Variants in KDM4C observed in about 807,000 individuals in gnomAD.
KDM4C encodes lysine-specific demethylase 4C.
In KDM4C, 81 loss-of-function variants were observed where a neutral mutation model predicts 129.3. That is an observed-to-expected ratio of 0.63 (90% CI 0.52 to 0.75). The LOEUF is 0.75. Ranked by LOEUF, KDM4C falls within the 30% of genes least tolerant of loss-of-function variation. KDM4C has a pLI of 0.00. For missense variants in KDM4C, 1,457 were observed against 1,304.0 expected (o/e 1.12, Z -1.81); for synonymous variants, 573 against 456.1 (o/e 1.26, Z -3.26).
intron 8 of KDM4C, among the ~76,000 whole-genome samples, chr9:6,968,959 C>T (rs972830381): frequency 6.6e-6 from 1 of 152,008 alleles, no homozygotes; most frequent in Non-Finnish European, 1.5e-5. Flanking sequence ...TGTTTTGAGA[C>T]AGAGTCTTGC....
intron 20 of KDM4C, among the ~76,000 whole-genome samples, chr9:7,167,612 C>T (rs1034792410): frequency 6.6e-6 from 1 of 152,162 alleles, no homozygotes; most frequent in African/African-American, 2.4e-5. Context: ...GTGACTGGCA[C>T]CTAATTCCAC....
intron 17 of KDM4C, among the ~76,000 whole-genome samples, chr9:7,056,596 T>G (rs1358419763): frequency 1.3e-5 from 2 of 152,244 alleles, no homozygotes; most frequent in Non-Finnish European, 2.9e-5. Context: ...ACTATGGATT[T>G]TTCTTTATCT....
chr9:6,772,742 G>T (rs1822148920), intron 1 of KDM4C, among the ~76,000 whole-genome samples: 2 of 148,922 alleles, frequency 1.3e-5, no homozygotes, highest in African/African-American at 5.0e-5. Context: ...ACCCATGCTG[G>T]AGTGAAGTGG....
intron 1 of KDM4C, among the ~76,000 whole-genome samples, chr9:6,759,003 C>G (rs560959905): frequency 6.7e-6 from 1 of 150,186 alleles, no homozygotes; most frequent in Admixed American, 6.7e-5. Context: ...TCCCCCTTTG[C>G]TGCGCGGTGC....
chr9:7,007,572 A>G (rs539534512), intron 12 of KDM4C, among the ~76,000 whole-genome samples: 2 of 152,334 alleles, frequency 1.3e-5, no homozygotes, highest in South Asian at 4.1e-4. Context: ...TGAAGCCTAC[A>G]TCAGGTGTTT....
intron 1 of KDM4C, among the ~76,000 whole-genome samples, chr9:6,737,599 G>C (rs1027770619): frequency 4.7e-5 from 7 of 148,602 alleles, no homozygotes; most frequent in Admixed American, 2.8e-4. Context: ...GAGAGGCAGA[G>C]GTTGCAGTGA....
At chr9:7,037,058 C>T (rs932133597) in intron 15 of KDM4C, among the ~76,000 whole-genome samples, 1 of 152,170 alleles carries the variant, frequency 6.6e-6, no homozygotes. Flanking sequence ...GTCTTCTCTC[C>T]AGCCCTGATA....
intron 15 of KDM4C, among the ~76,000 whole-genome samples, chr9:7,036,667 C>T (rs563267049): frequency 1.3e-5 from 2 of 152,162 alleles, no homozygotes; most frequent in South Asian, 4.2e-4. Context: ...TTCTGTAATG[C>T]AAAAAATACT....
intron 1 of KDM4C, among the ~76,000 whole-genome samples, chr9:6,731,146 G>T (rs1053885496): frequency 6.6e-6 from 1 of 152,030 alleles, no homozygotes; most frequent in African/African-American, 2.4e-5. Context: ...CTGGGAAACA[G>T]AACACTGTGG....
intron 17 of KDM4C, among the ~76,000 whole-genome samples, chr9:7,051,231 TC>T (rs1408427044): frequency 6.6e-6 from 1 of 152,160 alleles, no homozygotes; most frequent in African/African-American, 2.4e-5. Flanking sequence ...AGGAGCAACT[TC>T]ATTTGGGGGG....
At chr9:6,963,025 C>G (rs1305435778) in intron 8 of KDM4C, among the ~76,000 whole-genome samples, 1 of 152,098 alleles carries the variant, frequency 6.6e-6, no homozygotes, top group Non-Finnish European at 1.5e-5. Flanking sequence ...AATCAGGCTT[C>G]TTGGGTTTGA....
intron 15 of KDM4C, among the ~76,000 whole-genome samples, chr9:7,017,986 G>C (rs1247161700): frequency 6.6e-6 from 1 of 152,188 alleles, no homozygotes; most frequent in African/African-American, 2.4e-5. Flanking sequence ...TATATTTAAT[G>C]TTAGAGGTTT....
chr9:7,119,169 T>TA (rs1240464649), intron 18 of KDM4C, among the ~76,000 whole-genome samples: 1 of 152,126 alleles, frequency 6.6e-6, no homozygotes, highest in African/African-American at 2.4e-5. Flanking sequence ...TAAGGTGCCT[T>TA]CATTGAGTTT....
chr9:6,737,916 C>T (rs1817577136), intron 1 of KDM4C, among the ~76,000 whole-genome samples: 1 of 151,506 alleles, frequency 6.6e-6, no homozygotes, highest in Admixed American at 6.6e-5. Flanking sequence ...GCAGGTGGAT[C>T]ACCTGAGTTC....
chr9:6,785,341 C>CTT (rs112696938), intron 1 of KDM4C, among the ~76,000 whole-genome samples: 146 of 145,494 alleles, frequency 1.0e-3, no homozygotes, highest in African/African-American at 2.2e-3. Context: ...TCCTCTTCCT[C>CTT]TTTTTTTTTT....
At chr9:6,788,701 C>A (rs535428448) in intron 1 of KDM4C, among the ~76,000 whole-genome samples, 1 of 152,260 alleles carries the variant, frequency 6.6e-6, no homozygotes, top group South Asian at 2.1e-4. Context: ...GGTGGCGAGC[C>A]GGCATTTCCC....
At chr9:6,823,406 G>C (rs1833364069) in intron 4 of KDM4C, among the ~76,000 whole-genome samples, 1 of 152,170 alleles carries the variant, frequency 6.6e-6, no homozygotes, top group Non-Finnish European at 1.5e-5. Flanking sequence ...ATTTCATAAA[G>C]ACTGAGAATT....
At chr9:6,772,579 T>C (rs1822098513) in intron 1 of KDM4C, among the ~76,000 whole-genome samples, 1 of 152,152 alleles carries the variant, frequency 6.6e-6, no homozygotes, top group Admixed American at 6.6e-5. Flanking sequence ...CAGGCTGGTC[T>C]TGAACTCCTG....
intron 19 of KDM4C, 117 bp from the exon 20 acceptor site, chr9:7,165,121 C>A: frequency 8.2e-7 from 1 of 1,216,070 alleles, no homozygotes; most frequent in Non-Finnish European, 1.2e-6. Context: ...AGATCATAAT[C>A]CATAAAACAC....
Sources: gnomAD v4.1 joint callset for allele counts (sites outside exome capture counted in the v4.1 genomes callset) on GRCh38, gnomAD v4.1.1 for gene constraint, MANE v1.5 for transcripts, NCBI Gene and HGNC (gene_info 2026-07-23, HGNC 2026-07-21) for gene names.